The following ZKSCAN5 variants were observed in gnomAD, a reference collection of about 807,000 sequenced individuals.
The protein encoded by ZKSCAN5 is zinc finger with KRAB and SCAN domains 5.
ZKSCAN5 carries 28 observed loss-of-function variants against 60.0 expected under a neutral mutation model. The observed-to-expected ratio is 0.47, with a 90% CI of 0.35 to 0.64. The LOEUF is 0.64. Ranked by LOEUF, ZKSCAN5 falls within the 30% of genes least tolerant of loss-of-function variation. ZKSCAN5 has a pLI of 0.01. For missense variants in ZKSCAN5, 881 were observed against 1,034.6 expected (o/e 0.85, Z 2.04); for synonymous variants, 361 against 371.2 (o/e 0.97, Z 0.31).
intron 3 of ZKSCAN5, among the ~76,000 whole-genome samples, chr7:99,519,425 G>A (rs1288644801): frequency 6.6e-6 from 1 of 152,196 alleles, no homozygotes; most frequent in South Asian, 2.1e-4. Context: ...TTACAGGCGT[G>A]CATCACCACA....
chr7:99,521,307 C>T (rs1779077617), intron 5 of ZKSCAN5, among the ~76,000 whole-genome samples: 1 of 152,160 alleles, frequency 6.6e-6, no homozygotes, highest in Non-Finnish European at 1.5e-5. Context: ...GAGCAATTCT[C>T]CTGCCTCAGC....
intron 2 of ZKSCAN5, among the ~76,000 whole-genome samples, chr7:99,509,981 G>A (rs746216114): frequency 6.6e-5 from 10 of 152,048 alleles, no homozygotes; most frequent in South Asian, 2.1e-4. Flanking sequence ...GCCTCACTCC[G>A]TTGTCCAGGC....
At chr7:99,509,396 T>C (rs1387205717) in intron 2 of ZKSCAN5, among the ~76,000 whole-genome samples, 2 of 152,172 alleles carry the variant, frequency 1.3e-5, no homozygotes, top group African/African-American at 4.8e-5. Context: ...AGTGCTGGGA[T>C]TGCAGGTGTG....
rs1467077928 is a variant in ZKSCAN5, at chr7:99,533,954, G to A, written c.*1705G>A. Reference sequence around the variant, plus strand: ...TGGTCACTCGCCAGGAGGGAGTGAAGACCCGCATCACTGTTAATAGTCCTG... The same window carrying A: ...TGGTCACTCGCCAGGAGGGAGTGAAAACCCGCATCACTGTTAATAGTCCTG... On this transcript the variant is annotated 3_prime_UTR_variant, in exon 7 of 7. Coordinates refer to ENST00000326775, the MANE Select transcript of ZKSCAN5 (RefSeq NM_145102.4). 8.6e-6 allele frequency: 2 copies of A among 231,930 alleles called. No homozygotes were observed. Among genetic ancestry groups the A allele is most frequent in the African/African-American group, 4.5e-5 (2 of 44,350 alleles). 14.4% of individuals were successfully genotyped at this position (231,930 alleles called of 1,614,324 possible). A position where few individuals can be genotyped will look rare whatever the true frequency, so the allele number is the denominator to read the frequency against.
At chr7:99,522,280 ATG>A (rs1801568618) in intron 5 of ZKSCAN5, among the ~76,000 whole-genome samples, 1 of 152,158 alleles carries the variant, frequency 6.6e-6, no homozygotes, top group Non-Finnish European at 1.5e-5. Flanking sequence ...ACATAAGTAA[ATG>A]AGTCTTGGAG....
intron 5 of ZKSCAN5, 147 bp from the exon 6 acceptor site, chr7:99,525,666 A>G: frequency 2.6e-6 from 3 of 1,155,326 alleles, no homozygotes; most frequent in Non-Finnish European, 3.5e-6. Context: ...CTGCTTGAAT[A>G]TTTTTCATCC....
rs1319652834 is a variant in ZKSCAN5 at position 99,526,436 on chromosome 7, A to T, written c.1378+18A>T. 1 of 1,586,536 alleles carries T rather than the reference A, an allele frequency of 6.3e-7. No individual in the cohort carries two copies. Among genetic ancestry groups the T allele is most frequent in the East Asian group, 2.2e-5 (1 of 44,730 alleles). ...CCAGAGATGTACGTGTGAGGAGTTT[A>T]TATCCGGGGGATAAATGGAGGCGAA... is the stretch of plus-strand genomic sequence containing the variant. On this transcript the variant is annotated intron_variant, in intron 6 of 6. Transcript: ENST00000326775.
rs1395841824 is a variant in ZKSCAN5 at position 99,531,569 on chromosome 7, T to G, written c.1840T>G (p.Phe614Val). The part of the protein sequence containing the change: ...PYTCPLCGKA[F>V]RVRSHLVQHQ... Reference sequence around the variant, plus strand: ...CACCTGTCCCTTATGTGGGAAAGCCTTCAGAGTGAGGTCCCACCTTGTTCA... The same window carrying G: ...CACCTGTCCCTTATGTGGGAAAGCCGTCAGAGTGAGGTCCCACCTTGTTCA... The change falls in exon 7 of 7, where the codon TTC (phenylalanine) becomes GTC (valine). Residue 614 changes from phenylalanine to valine, a missense_variant. Physicochemically the swap from Phe to Val is conservative, Grantham distance 50. Coordinates refer to ENST00000326775, the MANE Select transcript of ZKSCAN5 (RefSeq NM_145102.4). 6.2e-7 allele frequency: 1 copy of G among 1,614,160 alleles called. No individual in the cohort carries two copies. Among genetic ancestry groups the G allele is most frequent in the East Asian group, 2.2e-5 (1 of 44,882 alleles).
In ZKSCAN5 at chr7:99,531,699, G is replaced by GA; in HGVS notation, c.1971dup (p.Glu658ArgfsTer8). ...GCTGGACATCTTCGACTCCACTCCCGAGAGAAATCCCATCAGTGTCGTGAA... is the reference window on the plus strand; with the variant it reads ...GCTGGACATCTTCGACTCCACTCCCGAAGAGAAATCCCATCAGTGTCGTGAA... On this transcript the variant is annotated frameshift_variant, in exon 7 of 7. Transcript: ENST00000326775. LOFTEE classifies it low-confidence loss of function (END_TRUNC). 3 of 1,614,160 alleles carry GA rather than the reference G, an allele frequency of 1.9e-6. No individual in the cohort carries two copies. Among genetic ancestry groups the GA allele is most frequent in the Non-Finnish European group, 2.5e-6 (3 of 1,180,038 alleles).
Position 99,531,909 on chromosome 7 carries a change from G to A in ZKSCAN5, c.2180G>A (p.Gly727Asp). Reference protein sequence around the residue: ...YQCDICGKAFGYSSDLIQHYR... With the variant: ...YQCDICGKAFDYSSDLIQHYR... ...TGTGATATCTGTGGAAAAGCCTTTGGTTATAGCTCAGACCTCATTCAGCAT... is the reference window on the plus strand; with the variant it reads ...TGTGATATCTGTGGAAAAGCCTTTGATTATAGCTCAGACCTCATTCAGCAT... Residue 727 changes from glycine (G) to aspartate (D), a missense_variant, in exon 7 of 7, where the codon GGT becomes GAT. Coordinates refer to ENST00000326775, the MANE Select transcript of ZKSCAN5 (RefSeq NM_145102.4). 2 of 1,614,092 alleles carry A rather than the reference G, an allele frequency of 1.2e-6. No homozygotes were observed. Among genetic ancestry groups the A allele is most frequent in the Admixed American group, 1.7e-5 (1 of 60,008 alleles).
chr7:99,529,029 C>T (rs552932947), intron 6 of ZKSCAN5, among the ~76,000 whole-genome samples: 1 of 152,266 alleles, frequency 6.6e-6, no homozygotes, highest in Non-Finnish European at 1.5e-5. Context: ...GCTCATTTTG[C>T]CTTATTTCCT....
At chr7:99,527,293 G>A (rs1350054738) in intron 6 of ZKSCAN5, among the ~76,000 whole-genome samples, 2 of 152,170 alleles carry the variant, frequency 1.3e-5, no homozygotes, top group Non-Finnish European at 2.9e-5. Flanking sequence ...ATGTGTCTGT[G>A]AATAGCCACT....
intron 3 of ZKSCAN5, chr7:99,513,670 G>A: frequency 5.3e-6 from 1 of 188,612 alleles, no homozygotes; most frequent in Non-Finnish European, 1.2e-5. Flanking sequence ...TGGCATTAGA[G>A]GTGTGAGCCA....
rs543874706 is a variant in ZKSCAN5 at position 99,518,373 on chromosome 7, A to G, written c.554-1454A>G. 6.6e-5 allele frequency among the ~76,000 whole-genome samples: 10 copies of G among 151,804 alleles called. 1 individual carries two copies. The highest frequency in any genetic ancestry group is 2.2e-4 in the African/African-American group (9 of 41,412). ...GAGGCGGAGGTTGCAGTGAGCTGAGATCGCGCCACTGCACTCTAGCCTGGG... is the reference window on the plus strand; with the variant it reads ...GAGGCGGAGGTTGCAGTGAGCTGAGGTCGCGCCACTGCACTCTAGCCTGGG... On this transcript the variant is annotated intron_variant, in intron 3 of 6. Transcript: ENST00000326775.
At chr7:99,524,161 C>T (rs545886386) in intron 5 of ZKSCAN5, among the ~76,000 whole-genome samples, 14 of 151,466 alleles carry the variant, frequency 9.2e-5, no homozygotes, top group Non-Finnish European at 1.8e-4. Context: ...ACCTCTGCCT[C>T]CTGGGTTCAA....
chr7:99,521,563 C>G (rs1228315993), intron 5 of ZKSCAN5, among the ~76,000 whole-genome samples: 1 of 152,148 alleles, frequency 6.6e-6, no homozygotes, highest in Non-Finnish European at 1.5e-5. Flanking sequence ...TTAGTTCACT[C>G]ACAAGCTTTT....
rs1415377785 is a variant in ZKSCAN5, at chr7:99,526,025, G to C, written c.985G>C (p.Asp329His). ...GAATCCTTCCCAGAAAAGGGATCTG[G>C]ATGCAATCACAGACATCAGCCCTAA... ...RQNPSQKRDL[D>H]AITDISPKQS... is the part of the protein sequence containing the mutation. Residue 329 changes from aspartate to histidine, a missense_variant, in exon 6 of 7, where the codon GAT becomes CAT. Physicochemically the swap from Asp to His is moderately conservative, Grantham distance 81. Transcript: ENST00000326775. 6.2e-7 allele frequency: 1 copy of C among 1,614,168 alleles called. No homozygotes were observed. Among genetic ancestry groups the C allele is most frequent in the Admixed American group, 1.7e-5 (1 of 60,004 alleles).
chr7:99,508,587 A>G (rs1418884248), intron 2 of ZKSCAN5, among the ~76,000 whole-genome samples: 1 of 151,672 alleles, frequency 6.6e-6, no homozygotes, highest in East Asian at 2.0e-4. Context: ...CGTCTCTACT[A>G]AAAATACAAA....
In ZKSCAN5 at chr7:99,506,244, C is replaced by T. The variant is rs762425884; in HGVS notation, c.200C>T (p.Ala67Val). ...QYHEASGPREALSQLRVLCCE... is the reference protein window; with the variant it reads ...QYHEASGPREVLSQLRVLCCE... The stretch of plus-strand genomic sequence containing the variant: ...CATGAGGCTTCAGGACCCCGGGAGG[C>T]TCTCAGCCAACTCCGGGTGCTCTGC... The change falls in exon 2 of 7, where the codon GCT becomes GTT. Residue 67 changes from alanine (A) to valine (V), a missense_variant. Ala to Val is a moderately conservative substitution (Grantham distance 64). Transcript: ENST00000326775. The T allele has an allele frequency of 6.2e-7, 1 of 1,614,222 alleles. No individual in the cohort carries two copies. Among genetic ancestry groups the T allele is most frequent in the Non-Finnish European group, 8.5e-7 (1 of 1,180,042 alleles).
Sources: allele counts gnomAD v4.1 joint callset (sites outside exome capture counted in the v4.1 genomes callset), GRCh38; gene constraint gnomAD v4.1.1; transcripts MANE v1.5; gene names NCBI Gene and HGNC (gene_info 2026-07-23, HGNC 2026-07-21).